The following TANGO6 variants were observed in gnomAD, a reference collection of about 807,000 sequenced individuals.
TANGO6 encodes transport and Golgi organization protein 6 homolog.
In TANGO6, 90 loss-of-function variants were observed where a neutral mutation model predicts 114.2. The observed-to-expected ratio is 0.79, with a 90% CI of 0.66 to 0.94. The LOEUF is 0.94. Among genes scored for constraint, TANGO6 ranks in the 40% least tolerant of loss-of-function variants. The pLI, the probability that TANGO6 is intolerant of heterozygous loss-of-function variation, is 0.00. For missense variants in TANGO6, 1,274 were observed against 1,315.3 expected, an observed-to-expected ratio of 0.97 and a Z score of 0.49; for synonymous variants, 477 against 509.8, an observed-to-expected ratio of 0.94 and a Z score of 0.87.
At chr16:68,859,430 C>G (rs1349574538) in intron 1 of TANGO6, among the ~76,000 whole-genome samples, 3 of 152,164 alleles carry the variant, frequency 2.0e-5, no homozygotes, top group Non-Finnish European at 4.4e-5. Context: ...TTTGGCCTCC[C>G]AAAGTGCTGG....
At chr16:69,068,226 C>T (rs534982573) in intron 17 of TANGO6, among the ~76,000 whole-genome samples, 1 of 152,142 alleles carries the variant, frequency 6.6e-6, no homozygotes, top group South Asian at 2.1e-4. Flanking sequence ...ATCACCTGAG[C>T]TTCAAGGCTG....
intron 17 of TANGO6, among the ~76,000 whole-genome samples, chr16:69,078,486 T>C (rs1960420704): frequency 6.6e-6 from 1 of 152,176 alleles, no homozygotes; most frequent in Admixed American, 6.5e-5. Flanking sequence ...CCATTCGCCA[T>C]CTCCAGTGAA....
At chr16:68,947,833 C>A (rs985680527) in intron 14 of TANGO6, among the ~76,000 whole-genome samples, 1 of 152,068 alleles carries the variant, frequency 6.6e-6, no homozygotes, top group Admixed American at 6.5e-5. Flanking sequence ...CTCAGGTGAT[C>A]CGCCTGCCCC....
chr16:68,903,071 C>T (rs758414493), intron 9 of TANGO6, among the ~76,000 whole-genome samples: 9 of 152,120 alleles, frequency 5.9e-5, no homozygotes, highest in African/African-American at 9.7e-5. Flanking sequence ...TACCTCAGAA[C>T]GTAAATTCCT....
intron 1 of TANGO6, among the ~76,000 whole-genome samples, chr16:68,853,733 T>C (rs887848307): frequency 2.0e-5 from 3 of 152,236 alleles, no homozygotes; most frequent in Non-Finnish European, 4.4e-5. Context: ...CAACTGAGCT[T>C]TGATCATGTC....
intron 6 of TANGO6, 21 bp downstream of exon 6, chr16:68,878,301 G>T: frequency 6.4e-7 from 1 of 1,574,620 alleles, no homozygotes. Context: ...AAGTGTGGTG[G>T]CTGTGTGTGC....
chr16:68,901,184 C>T (rs1962779443), intron 8 of TANGO6, among the ~76,000 whole-genome samples: 1 of 152,142 alleles, frequency 6.6e-6, no homozygotes, highest in South Asian at 2.1e-4. Context: ...ATCCAATATG[C>T]AATAATAGTA....
intron 17 of TANGO6, among the ~76,000 whole-genome samples, chr16:69,072,511 C>T (rs1960313282): frequency 1.3e-5 from 2 of 152,112 alleles, no homozygotes; most frequent in South Asian, 4.1e-4. Flanking sequence ...TTGAACTCTC[C>T]TTGTATTCAG....
At chr16:68,876,118 T>A (rs556210418) in intron 5 of TANGO6, among the ~76,000 whole-genome samples, 1 of 152,282 alleles carries the variant, frequency 6.6e-6, no homozygotes, top group East Asian at 1.9e-4. Flanking sequence ...TGTATGTGCA[T>A]ACACACATAC....
intron 16 of TANGO6, among the ~76,000 whole-genome samples, chr16:69,032,306 C>T (rs1235150738): frequency 6.6e-6 from 1 of 152,074 alleles, no homozygotes; most frequent in Non-Finnish European, 1.5e-5. Context: ...CGCGCTGTCG[C>T]CCAGGCTGTA....
chr16:69,016,043 C>T (rs1056486386), intron 15 of TANGO6, among the ~76,000 whole-genome samples: 3 of 152,196 alleles, frequency 2.0e-5, no homozygotes, highest in African/African-American at 7.2e-5. Context: ...CCCTCACCCA[C>T]ATTGTCAACT....
intron 5 of TANGO6, among the ~76,000 whole-genome samples, chr16:68,877,068 G>T (rs925311620): frequency 6.6e-6 from 1 of 152,072 alleles, no homozygotes; most frequent in Non-Finnish European, 1.5e-5. Flanking sequence ...TGGTTCAAAG[G>T]TTTTATGCAT....
chr16:68,960,520 T>G (rs1963578634), intron 14 of TANGO6, among the ~76,000 whole-genome samples: 1 of 152,054 alleles, frequency 6.6e-6, no homozygotes, highest in African/African-American at 2.4e-5. Context: ...TTATTTTATT[T>G]GAGACAGAGT....
chr16:68,999,058 T>G (rs1029448683), intron 15 of TANGO6, among the ~76,000 whole-genome samples: 3 of 151,926 alleles, frequency 2.0e-5, no homozygotes, highest in Non-Finnish European at 4.4e-5. Flanking sequence ...AATTTTTGTA[T>G]TTTTTAGAAA....
intron 4 of TANGO6, among the ~76,000 whole-genome samples, chr16:68,870,538 G>C (rs1962250823): frequency 6.6e-6 from 1 of 152,152 alleles, no homozygotes; most frequent in African/African-American, 2.4e-5. Flanking sequence ...TTAAGGGCAT[G>C]CAGATTTGAG....
intron 9 of TANGO6, 77 bp from the exon 10 acceptor site, chr16:68,907,366 T>C: frequency 4.2e-6 from 6 of 1,416,986 alleles, no homozygotes; most frequent in Admixed American, 2.6e-5. Context: ...CATGTTACTT[T>C]AGAAGATTGT....
Position 68,919,220 on chromosome 16 carries a change from G to A in TANGO6, c.2127+1G>A, listed in dbSNP as rs560575474. 2.2e-5 allele frequency: 35 copies of A among 1,612,340 alleles called. No homozygotes were observed. In the South Asian group the frequency reaches 3.9e-4, roughly 18 times the overall value. ...TGTCATGCTAGGAGGAGCTGTTCAG[G>A]TGAGTTGTAGACATGAGGCAAGCTT... On this transcript the variant is annotated splice_donor_variant, in intron 12 of 17. Coordinates refer to ENST00000261778, the MANE Select transcript of TANGO6 (RefSeq NM_024562.2). LOFTEE classifies it high-confidence loss of function.
intron 14 of TANGO6, among the ~76,000 whole-genome samples, chr16:68,972,793 G>C (rs1226244238): frequency 1.3e-5 from 2 of 152,174 alleles, no homozygotes; most frequent in Non-Finnish European, 2.9e-5. Context: ...AGAGTGGCAG[G>C]GGAAGGAGGG....
chr16:69,057,939 A>G (rs1029905726), intron 17 of TANGO6, among the ~76,000 whole-genome samples: 2 of 152,262 alleles, frequency 1.3e-5, no homozygotes. Context: ...AACTTCCCAC[A>G]ATGTACACAG....
Sources: allele counts gnomAD v4.1 joint callset (sites outside exome capture counted in the v4.1 genomes callset), GRCh38; gene constraint gnomAD v4.1.1; transcripts MANE v1.5; gene names NCBI Gene and HGNC (gene_info 2026-07-23, HGNC 2026-07-21).